Variants in DPF3 observed in about 807,000 individuals in gnomAD.
The protein encoded by DPF3 is zinc finger protein DPF3.
DPF3 carries 18 observed loss-of-function variants against 56.8 expected under a neutral mutation model. The ratio of observed to expected loss-of-function variants is 0.32; its 90% CI spans 0.22 to 0.47. The LOEUF (loss-of-function observed/expected upper bound fraction) is 0.47, where lower values mean the gene tolerates loss of function less well. Ranked by LOEUF, DPF3 falls within the 20% of genes least tolerant of loss-of-function variation. The probability of loss-of-function intolerance (pLI) is 1.00; values close to 1 mark genes in which losing one functional copy is unlikely to be tolerated. For missense variants in DPF3, 403 were observed against 488.8 expected (o/e 0.82, Z 1.65); for synonymous variants, 188 against 180.2 (o/e 1.04, Z -0.35).
At chr14:72,651,606 G>A (rs192936621) in intron 8 of DPF3, among the ~76,000 whole-genome samples, 1 of 152,344 alleles carries the variant, frequency 6.6e-6, no homozygotes, top group Non-Finnish European at 1.5e-5. Context: ...AAGATCATCT[G>A]ACTAATACCA....
At chr14:72,850,611 A>G (rs567837708) in intron 1 of DPF3, among the ~76,000 whole-genome samples, 119 of 152,160 alleles carry the variant, frequency 7.8e-4, no homozygotes, top group African/African-American at 2.7e-3. Flanking sequence ...CCAGAGAGAC[A>G]CCTCATTCTT....
intron 3 of DPF3, among the ~76,000 whole-genome samples, chr14:72,738,361 A>AT (rs1252382974): frequency 6.6e-6 from 1 of 152,092 alleles, no homozygotes; most frequent in Non-Finnish European, 1.5e-5. Flanking sequence ...GGATATCCAT[A>AT]TAACAGGAGG....
chr14:72,761,026 A>C (rs1322591709), intron 2 of DPF3, among the ~76,000 whole-genome samples: 2 of 145,746 alleles, frequency 1.4e-5, no homozygotes, highest in African/African-American at 2.8e-5. Context: ...TTTATTGAGG[A>C]TATAACAATA....
chr14:72,793,695 A>G (rs1035097571), intron 1 of DPF3, among the ~76,000 whole-genome samples: 1 of 152,350 alleles, frequency 6.6e-6, no homozygotes, highest in Admixed American at 6.5e-5. Flanking sequence ...AGAGAGAGAC[A>G]TTGACAGATC....
chr14:72,755,384 G>C (rs1473690157), intron 2 of DPF3, among the ~76,000 whole-genome samples: 1 of 152,124 alleles, frequency 6.6e-6, no homozygotes, highest in African/African-American at 2.4e-5. Flanking sequence ...TTAGCAACTA[G>C]TTTGAATCTC....
chr14:72,847,237 A>C (rs112748084), intron 1 of DPF3, among the ~76,000 whole-genome samples: 2,310 of 152,274 alleles, frequency 0.015, 55 homozygotes, highest in African/African-American at 0.054. Context: ...TAAGAGCTTC[A>C]CGTGTGTGGT....
chr14:72,789,433 C>T (rs751428509), intron 1 of DPF3, among the ~76,000 whole-genome samples: 3 of 152,214 alleles, frequency 2.0e-5, no homozygotes, highest in African/African-American at 4.8e-5. Context: ...CTCCACACCA[C>T]GCTGCCTCTG....
intron 1 of DPF3, among the ~76,000 whole-genome samples, chr14:72,872,911 TA>T (rs1885960266): frequency 6.6e-6 from 1 of 152,178 alleles, no homozygotes; most frequent in Non-Finnish European, 1.5e-5. Flanking sequence ...CACCTTATAC[TA>T]AAATTAATTC....
rs534879493 is a variant in DPF3, at chr14:72,713,200, G to A, written c.604+1223C>T. Among the ~76,000 whole-genome samples, 11 of 152,390 alleles carry A rather than the reference G, an allele frequency of 7.2e-5. No homozygotes were observed. In the East Asian group the frequency reaches 2.1e-3, roughly 29 times the overall value. On this transcript the variant is annotated intron_variant, in intron 6 of 10. Transcript: ENST00000556509. ...CATCCTGGACTAGAACTGCTTTGGG[G>A]TGGAGACGTTACCTGCAGGAGTCAT...
At chr14:72,681,229 C>T (rs1242251658) in intron 7 of DPF3, among the ~76,000 whole-genome samples, 4 of 152,160 alleles carry the variant, frequency 2.6e-5, no homozygotes, top group Admixed American at 1.3e-4. Flanking sequence ...ATTGAGTGGA[C>T]GGAGAGTCCC....
At chr14:72,851,299 G>A (rs1884975526) in intron 1 of DPF3, among the ~76,000 whole-genome samples, 1 of 152,162 alleles carries the variant, frequency 6.6e-6, no homozygotes, top group African/African-American at 2.4e-5. Flanking sequence ...GAATGTCTTT[G>A]ACTAATATTT....
intron 1 of DPF3, among the ~76,000 whole-genome samples, chr14:72,818,451 G>A (rs569885760): frequency 2.4e-4 from 36 of 152,252 alleles, no homozygotes; most frequent in South Asian, 1.5e-3. Flanking sequence ...AGACCAAGAC[G>A]GGAGGATCAT....
intron 7 of DPF3, among the ~76,000 whole-genome samples, chr14:72,692,088 C>A (rs1166050758): frequency 2.6e-5 from 4 of 152,154 alleles, no homozygotes; most frequent in Non-Finnish European, 5.9e-5. Context: ...GTGAAAGTGG[C>A]CAGTGGACAT....
At chr14:72,799,924 T>C (rs1892802635) in intron 1 of DPF3, among the ~76,000 whole-genome samples, 1 of 152,102 alleles carries the variant, frequency 6.6e-6, no homozygotes, top group Admixed American at 6.5e-5. Flanking sequence ...AAGAGGACCT[T>C]GCTGAGCCCC....
chr14:72,732,376 T>C (rs372176547), intron 3 of DPF3, among the ~76,000 whole-genome samples: 1 of 152,248 alleles, frequency 6.6e-6, no homozygotes, highest in Non-Finnish European at 1.5e-5. Context: ...TGCACAATGC[T>C]GGCAACCAAG....
chr14:72,839,660 C>G (rs1413317483), intron 1 of DPF3, among the ~76,000 whole-genome samples: 3 of 152,182 alleles, frequency 2.0e-5, no homozygotes, highest in Admixed American at 6.5e-5. Flanking sequence ...CTGTGCAGCC[C>G]CACTCTCTTG....
chr14:72,800,478 A>T (rs1343035713), intron 1 of DPF3, among the ~76,000 whole-genome samples: 1 of 151,984 alleles, frequency 6.6e-6, no homozygotes, highest in Admixed American at 6.6e-5. Context: ...ACATGGATGC[A>T]TGGATGCTTG....
At chr14:72,809,199 T>C (rs1289692685) in intron 1 of DPF3, among the ~76,000 whole-genome samples, 1 of 152,248 alleles carries the variant, frequency 6.6e-6, no homozygotes, top group Non-Finnish European at 1.5e-5. Flanking sequence ...GCCCTTGAAC[T>C]TCTCAGCCTG....
chr14:72,709,247 G>A (rs962955474), intron 6 of DPF3, among the ~76,000 whole-genome samples: 3 of 152,200 alleles, frequency 2.0e-5, no homozygotes, highest in African/African-American at 7.2e-5. Context: ...AGACTTTGCT[G>A]AGACAGAGGT....
Sources: allele counts gnomAD v4.1 joint callset (sites outside exome capture counted in the v4.1 genomes callset), GRCh38; gene constraint gnomAD v4.1.1; transcripts MANE v1.5; gene names NCBI Gene and HGNC (gene_info 2026-07-23, HGNC 2026-07-21).